The following MTA3 variants were observed in gnomAD, a reference collection of about 807,000 sequenced individuals.
The protein encoded by MTA3 is metastasis associated 1 family member 3.
Under a neutral mutation model 83.5 loss-of-function variants are expected in MTA3, and 34 were observed. That is an observed-to-expected ratio of 0.41 (90% CI 0.31 to 0.54). The LOEUF (loss-of-function observed/expected upper bound fraction) is 0.54, where lower values mean the gene tolerates loss of function less well. Among genes scored for constraint, MTA3 ranks in the 20% least tolerant of loss-of-function variants. MTA3 has a pLI of 0.33. For synonymous variants in MTA3, 303 were observed against 252.7 expected (o/e 1.20, Z -1.89); for missense variants, 761 against 726.4 (o/e 1.05, Z -0.55).
At position 42,754,434 on chromosome 2, in the gene MTA3, C is replaced by G. The variant is rs1670102246; in HGVS notation, c.*1035C>G. On this transcript the variant is annotated 3_prime_UTR_variant, in exon 17 of 17. Transcript: ENST00000405094. Reference sequence around the variant, plus strand: ...TGTGACCTAGGCCCCGGGGGACCTGCCTGCTCCTTTGGCTTGGGCTCTTCG... The same window carrying G: ...TGTGACCTAGGCCCCGGGGGACCTGGCTGCTCCTTTGGCTTGGGCTCTTCG... 1.0e-6 allele frequency: 1 copy of G among 985,598 alleles called. No individual in the cohort carries two copies. Among genetic ancestry groups the G allele is most frequent in the South Asian group, 4.7e-5 (1 of 21,294 alleles). 61.1% of individuals were successfully genotyped at this position (985,598 alleles called of 1,614,324 possible).
Position 42,570,514 on chromosome 2 carries a change from G to C in MTA3, c.96+10G>C. 1 of 1,391,324 alleles carries C rather than the reference G, an allele frequency of 7.2e-7. No individual in the cohort carries two copies. The highest frequency in any genetic ancestry group is 9.6e-7 in the Non-Finnish European group (1 of 1,036,932). The allele number at this position is 1,391,324 out of a possible 1,614,324, so 86.2% of individuals were successfully genotyped here. On this transcript the variant is annotated intron_variant, in intron 2 of 16. Transcript: ENST00000405094. ...AGAAGAACTCAACAAGGTATACACTGAGTGTTCTTAATTTTAATATTAAAA... is the reference window on the plus strand; with the variant it reads ...AGAAGAACTCAACAAGGTATACACTCAGTGTTCTTAATTTTAATATTAAAA...
At chr2:42,676,571 GC>G (rs1479301128) in intron 8 of MTA3, among the ~76,000 whole-genome samples, 1 of 152,132 alleles carries the variant, frequency 6.6e-6, no homozygotes, top group African/African-American at 2.4e-5. Context: ...TTGGAGACCA[GC>G]CCGGGCAACA....
Position 42,754,549 on chromosome 2 carries a change from G to T in MTA3, c.*1150G>T. 1 of 985,468 alleles carries T rather than the reference G, an allele frequency of 1.0e-6. No homozygotes were observed. The highest frequency in any genetic ancestry group is 1.2e-6 in the Non-Finnish European group (1 of 829,954). 61.0% of individuals were successfully genotyped at this position (985,468 alleles called of 1,614,324 possible). The stretch of plus-strand genomic sequence containing the variant: ...AGTAGCTGTGCTACTTGTGCTGGCA[G>T]CTGCAAGGATAGGAATAGCTCAGCG... On this transcript the variant is annotated 3_prime_UTR_variant, in exon 17 of 17. Transcript: ENST00000405094.
rs1486053326 is a variant in MTA3 at position 42,548,206 on chromosome 2, T to G, written c.-140-22231T>G. Among the ~76,000 whole-genome samples, 6 of 152,290 alleles carry G rather than the reference T, an allele frequency of 3.9e-5. No individual in the cohort carries two copies. In the East Asian group the frequency reaches 1.2e-3, roughly 29 times the overall value. On this transcript the variant is annotated intron_variant, in intron 2 of 17. Transcript: ENST00000405592. ...GGGGCCGGGCGCGCTGGCTCATGCC[T>G]GGAATCCCAGCACTTTGGGAGGCTG... is the stretch of plus-strand genomic sequence containing the variant.
chr2:42,665,743 G>T (rs1690176361), intron 8 of MTA3, among the ~76,000 whole-genome samples: 4 of 152,198 alleles, frequency 2.6e-5, no homozygotes, highest in Admixed American at 2.0e-4. Context: ...AGAAGTTTTT[G>T]AGTTAGTTTG....
chr2:42,675,016 G>A (rs769794868), intron 8 of MTA3, among the ~76,000 whole-genome samples: 4 of 151,856 alleles, frequency 2.6e-5, no homozygotes, highest in South Asian at 2.1e-4. Context: ...GGCTGGTCTC[G>A]AACTCCTGCC....
intron 14 of MTA3, 135 bp from the exon 15 acceptor site, chr2:42,718,853 C>T: frequency 1.5e-6 from 1 of 652,874 alleles, no homozygotes; most frequent in Non-Finnish European, 2.6e-6. Flanking sequence ...TTTCTCAAAC[C>T]CAAAAGGAAA....
At chr2:42,544,524 A>C (rs1676670183) in intron 2 of MTA3, among the ~76,000 whole-genome samples, 1 of 151,484 alleles carries the variant, frequency 6.6e-6, no homozygotes, top group Non-Finnish European at 1.5e-5. Flanking sequence ...AGGCACTAAA[A>C]TACCAAAAAT....
upstream of MTA3, among the ~76,000 whole-genome samples, chr2:42,565,325 C>T (rs1160454634): frequency 1.3e-5 from 2 of 151,636 alleles, no homozygotes; most frequent in Non-Finnish European, 2.9e-5. Context: ...TAGCCAGGAC[C>T]ATAGGTGCGC....
intron 8 of MTA3, among the ~76,000 whole-genome samples, chr2:42,675,850 C>T (rs748624505): frequency 6.6e-6 from 1 of 152,190 alleles, no homozygotes; most frequent in Non-Finnish European, 1.5e-5. Context: ...TAAGATTAGA[C>T]TACGTAAAGT....
intron 8 of MTA3, among the ~76,000 whole-genome samples, chr2:42,671,125 G>T (rs1289913064): frequency 2.0e-5 from 3 of 152,040 alleles, no homozygotes; most frequent in African/African-American, 7.2e-5. Flanking sequence ...AAGAGTGCAG[G>T]CCACTTATTT....
At chr2:42,694,613 T>C (rs1177234910) in intron 9 of MTA3, among the ~76,000 whole-genome samples, 3 of 151,972 alleles carry the variant, frequency 2.0e-5, no homozygotes, top group Non-Finnish European at 1.5e-5. Context: ...ACTCTGGCAC[T>C]GCAAGGCCTC....
At chr2:42,542,539 C>G (rs1264648797) in intron 2 of MTA3, among the ~76,000 whole-genome samples, 2 of 152,014 alleles carry the variant, frequency 1.3e-5, no homozygotes, top group Non-Finnish European at 2.9e-5. Context: ...CATACATAAT[C>G]TTTTATTTTA....
At chr2:42,647,205 T>G (rs1688293662) in intron 6 of MTA3, among the ~76,000 whole-genome samples, 1 of 149,596 alleles carries the variant, frequency 6.7e-6, no homozygotes, top group African/African-American at 2.5e-5. Flanking sequence ...TAAAATGCTA[T>G]TGAGCATCAC....
At chr2:42,495,376 C>T (rs10153860) in intron 2 of MTA3, 22,790 of 152,186 alleles carry the variant, frequency 0.15, 2,097 homozygotes, top group Middle Eastern at 0.22. Flanking sequence ...TGATTAAAAG[C>T]TCAAAAACAG....
At chr2:42,528,314 G>T (rs774403559) in intron 2 of MTA3, among the ~76,000 whole-genome samples, 2 of 151,574 alleles carry the variant, frequency 1.3e-5, no homozygotes, top group Non-Finnish European at 2.9e-5. Context: ...CCGCCTCCCA[G>T]GTCCAAGCTA....
At chr2:42,745,138 C>T (rs562868165) in intron 16 of MTA3, among the ~76,000 whole-genome samples, 1 of 152,266 alleles carries the variant, frequency 6.6e-6, no homozygotes, top group African/African-American at 2.4e-5. Context: ...TTTTTATCAG[C>T]AACTATTTAC....
chr2:42,624,138 A>T (rs1208823826), intron 4 of MTA3, among the ~76,000 whole-genome samples: 1 of 152,080 alleles, frequency 6.6e-6, no homozygotes, highest in Non-Finnish European at 1.5e-5. Context: ...ATGTTACTGG[A>T]AGTCAATTAT....
At chr2:42,671,160 T>TA (rs530116088) in intron 8 of MTA3, among the ~76,000 whole-genome samples, 436 of 152,326 alleles carry the variant, frequency 2.9e-3, no homozygotes, top group Non-Finnish European at 4.1e-3. Flanking sequence ...CAGTGTGGGT[T>TA]ATGGTTATAA....
Sources: gnomAD v4.1 joint callset for allele counts (sites outside exome capture counted in the v4.1 genomes callset) on GRCh38, gnomAD v4.1.1 for gene constraint, MANE v1.5 for transcripts, NCBI Gene and HGNC (gene_info 2026-07-23, HGNC 2026-07-21) for gene names.